Variants in ANKRD26 observed in about 807,000 individuals in gnomAD.
ANKRD26 encodes ankyrin repeat domain-containing protein 26.
A neutral mutation model predicts 208.7 loss-of-function variants in ANKRD26; 141 were observed. That is an observed-to-expected ratio of 0.68 (90% CI 0.59 to 0.78). The LOEUF (loss-of-function observed/expected upper bound fraction) is 0.78, where lower values mean the gene tolerates loss of function less well. Among genes scored for constraint, ANKRD26 ranks in the 30% least tolerant of loss-of-function variants. The pLI, the probability that ANKRD26 is intolerant of heterozygous loss-of-function variation, is 0.00. For missense variants in ANKRD26, 1,889 were observed against 1,938.7 expected (o/e 0.97, Z 0.48); for synonymous variants, 636 against 660.4 (o/e 0.96, Z 0.57).
At chr10:26,977,375 T>C (rs1297591942) in intron 5 of ANKRD26, among the ~76,000 whole-genome samples, 1 of 152,240 alleles carries the variant, frequency 6.6e-6, no homozygotes, top group African/African-American at 2.4e-5. Context: ...AACTTTCATC[T>C]ATTTGAATCG....
At chr10:27,040,235 T>A (rs1426684899) in intron 20 of ANKRD26, 57 bp from the exon 21 acceptor site, 2 of 1,266,998 alleles carry the variant, frequency 1.6e-6, no homozygotes, top group Non-Finnish European at 2.3e-6. Flanking sequence ...TATAACACAC[T>A]GTGCACTATA....
chr10:27,032,388 A>T (rs2135151948), intron 25 of ANKRD26, among the ~76,000 whole-genome samples: 1 of 152,122 alleles, frequency 6.6e-6, no homozygotes, highest in South Asian at 2.1e-4. Flanking sequence ...TAATCACAGT[A>T]CTCTGGGAGG....
chr10:27,070,101 T>TAAAAAA (rs34493349), intron 9 of ANKRD26, among the ~76,000 whole-genome samples: 2 of 109,118 alleles, frequency 1.8e-5, no homozygotes, highest in Non-Finnish European at 3.7e-5. Context: ...ACTCTGTATT[T>TAAAAAA]AAAAAAAAAA....
chr10:27,075,906 C>G (rs1210202943), intron 9 of ANKRD26, among the ~76,000 whole-genome samples: 2 of 152,208 alleles, frequency 1.3e-5, no homozygotes, highest in African/African-American at 4.8e-5. Context: ...AGTATCTTCT[C>G]AGACCACAGC....
chr10:27,086,657 A>G (rs746531243), intron 4 of ANKRD26, 48 bp from the exon 5 acceptor site: 72 of 1,554,586 alleles, frequency 4.6e-5, no homozygotes, highest in Non-Finnish European at 6.3e-5. Flanking sequence ...TGATACAAAA[A>G]ATATTTACCA....
At chr10:27,094,065 T>C (rs971283336) in intron 1 of ANKRD26, among the ~76,000 whole-genome samples, 4 of 152,120 alleles carry the variant, frequency 2.6e-5, no homozygotes, top group African/African-American at 7.2e-5. Flanking sequence ...GTTCTCACAA[T>C]ATCTGATGGT....
chr10:26,961,953 C>T, the ANKRD26 span, among the ~76,000 whole-genome samples: 1 of 152,066 alleles, frequency 6.6e-6, no homozygotes, highest in African/African-American at 2.4e-5. Context: ...ATAACAAGAA[C>T]CACGGGATTT....
intron 9 of ANKRD26, among the ~76,000 whole-genome samples, chr10:27,072,804 A>T (rs1174630974): frequency 6.6e-6 from 1 of 152,234 alleles, no homozygotes; most frequent in Non-Finnish European, 1.5e-5. Context: ...CTATGTGCCC[A>T]GCACATTAAT....
intron 32 of ANKRD26, among the ~76,000 whole-genome samples, chr10:27,012,188 A>T (rs1035764253): frequency 2.6e-5 from 4 of 152,198 alleles, no homozygotes; most frequent in Non-Finnish European, 5.9e-5. Context: ...AAACTATCAA[A>T]GTGCTATCAA....
Position 27,061,219 on chromosome 10 carries a change from T to C in ANKRD26, c.1387A>G (p.Met463Val), listed in dbSNP as rs2055043525. 1.2e-6 allele frequency: 2 copies of C among 1,607,334 alleles called. No homozygotes were observed. Among genetic ancestry groups the C allele is most frequent in the African/African-American group, 1.3e-5 (1 of 74,734 alleles). ...ATCTTAAAGTTTCTTGATCCACTCA[T>C]GCAAGAAGGTATATAAAACACATCT... ...AEDVFYIPSCMSGSRNFKMAK... is the reference protein window; with the variant it reads ...AEDVFYIPSCVSGSRNFKMAK... The change falls in exon 13 of 34, where the codon ATG becomes GTG. Residue 463 changes from methionine to valine, a missense_variant. Met to Val is a conservative substitution (Grantham distance 21). This residue lies in a region of ANKRD26 where 1,272 missense variants were observed against 1,273.8 expected (regional missense o/e 1.00). Coordinates refer to ENST00000376087, the MANE Select transcript of ANKRD26 (RefSeq NM_014915.3).
chr10:26,951,711 CATTGGCTAGAGACTCCAGGATAAT>C, the ANKRD26 span, among the ~76,000 whole-genome samples: 1 of 152,154 alleles, frequency 6.6e-6, no homozygotes, highest in Non-Finnish European at 1.5e-5. Flanking sequence ...CTGTTGTATG[CATTGGCTAGAGACTCCAGGATAAT>C]GTTGGATAAT....
At chr10:27,018,343 C>T (rs1589222777) in intron 29 of ANKRD26, among the ~76,000 whole-genome samples, 1 of 151,772 alleles carries the variant, frequency 6.6e-6, no homozygotes, top group East Asian at 1.9e-4. Flanking sequence ...ACCATGTTAG[C>T]CAGGATGGTC....
chr10:27,057,773 C>T (rs540807653), intron 15 of ANKRD26, among the ~76,000 whole-genome samples: 31 of 152,092 alleles, frequency 2.0e-4, no homozygotes, highest in Non-Finnish European at 3.5e-4. Flanking sequence ...CCCATCTCTA[C>T]TAAAAATACA....
intron 26 of ANKRD26, 37 bp from the exon 27 acceptor site, chr10:27,028,982 T>C (rs2053772843): frequency 2.0e-6 from 3 of 1,487,528 alleles, no homozygotes; most frequent in Non-Finnish European, 1.8e-6. Flanking sequence ...TTCTCACAGA[T>C]AAATTTTTAA....
chr10:27,060,160 G>A (rs1286988828), intron 15 of ANKRD26, among the ~76,000 whole-genome samples, 185 bp downstream of exon 15: 7 of 152,234 alleles, frequency 4.6e-5, no homozygotes, highest in East Asian at 3.9e-4. Context: ...CCGAGATCAC[G>A]CCACTGCATT....
the ANKRD26 span, among the ~76,000 whole-genome samples, chr10:26,967,998 T>C: frequency 6.6e-6 from 1 of 152,196 alleles, no homozygotes; most frequent in Non-Finnish European, 1.5e-5. Flanking sequence ...CTGTGGCCAG[T>C]GTGATCTTTG....
rs1043983299 is a variant in ANKRD26, at chr10:27,097,271, C to T, written c.242+2814G>A. ...TGGGCAGATCACAAGGTCAGGAGATCGAGACCACCCTGGCTAACACAGTGA... is the reference window on the plus strand; with the variant it reads ...TGGGCAGATCACAAGGTCAGGAGATTGAGACCACCCTGGCTAACACAGTGA... On this transcript the variant is annotated intron_variant, in intron 1 of 33. Transcript: ENST00000376087. Among the ~76,000 whole-genome samples, 177 of 150,680 alleles carry T rather than the reference C, an allele frequency of 1.2e-3. 2 individuals carry two copies. The highest frequency in any genetic ancestry group is 0.011 in the Admixed American group (168 of 15,100).
the ANKRD26 span, among the ~76,000 whole-genome samples, chr10:26,952,504 C>A: frequency 5.7e-5 from 8 of 140,072 alleles, no homozygotes; most frequent in Admixed American, 5.1e-4. Flanking sequence ...GCCTTTTTGA[C>A]ATTTATTGAA....
At chr10:27,099,556 T>C (rs1589390964) in intron 1 of ANKRD26, among the ~76,000 whole-genome samples, 1 of 97,550 alleles carries the variant, frequency 1.0e-5, no homozygotes, top group Non-Finnish European at 2.2e-5. Flanking sequence ...CTGAGACTAT[T>C]AGAGTTGGGG....
Sources: gnomAD v4.1 joint callset for allele counts (sites outside exome capture counted in the v4.1 genomes callset) on GRCh38, gnomAD v4.1.1 for gene constraint, gnomAD v4.1.1 regional missense constraint, MANE v1.5 for transcripts, NCBI Gene and HGNC (gene_info 2026-07-23, HGNC 2026-07-21) for gene names.